DUSP16: variants seen among roughly 807,000 people sequenced by gnomAD.
DUSP16 encodes dual specificity protein phosphatase 16.
A neutral mutation model predicts 58.3 loss-of-function variants in DUSP16; 21 were observed. That is an observed-to-expected ratio of 0.36 (90% CI 0.26 to 0.52). DUSP16 has a LOEUF of 0.52. DUSP16 is among the 20% of genes least tolerant of loss of function. The pLI is 0.94. For missense variants in DUSP16, 726 were observed against 819.0 expected (o/e 0.89, Z 1.39); for synonymous variants, 320 against 323.8 (o/e 0.99, Z 0.12).
rs1943629232 is a variant in DUSP16, at chr12:12,484,014, ATT to A, written c.691+3012_691+3013del. On this transcript the variant is annotated intron_variant, in intron 5 of 6. Transcript: ENST00000298573. Reference sequence around the variant, plus strand: ...TTTAAAAATTAAAAAAAAATTTTACATTTATCTTTAAGAATTTGTGTTTGAGA... The same window carrying A: ...TTTAAAAATTAAAAAAAAATTTTACATATCTTTAAGAATTTGTGTTTGAGA... Among the ~76,000 whole-genome samples, 2 of 152,008 alleles carry A rather than the reference ATT, an allele frequency of 1.3e-5. 1 individual carries two copies. Among genetic ancestry groups the A allele is most frequent in the South Asian group, 4.1e-4 (2 of 4,834 alleles).
At chr12:12,538,372 T>C (rs575395719) in intron 1 of DUSP16, among the ~76,000 whole-genome samples, 61 of 152,296 alleles carry the variant, frequency 4.0e-4, no homozygotes, top group Non-Finnish European at 7.5e-4. Context: ...TACTGAAATT[T>C]CATAGCCAAA....
chr12:12,496,496 G>T (rs757667043), intron 4 of DUSP16, among the ~76,000 whole-genome samples: 1 of 152,230 alleles, frequency 6.6e-6, no homozygotes, highest in Non-Finnish European at 1.5e-5. Context: ...GTTGACAGCA[G>T]ATTATTTAAA....
intron 4 of DUSP16, among the ~76,000 whole-genome samples, chr12:12,500,281 C>A (rs1001566730): frequency 2.6e-5 from 4 of 152,158 alleles, no homozygotes; most frequent in African/African-American, 9.7e-5. Flanking sequence ...TATTTCAGTT[C>A]TCTTGGACCT....
At chr12:12,555,331 T>G (rs1343080545) in intron 1 of DUSP16, among the ~76,000 whole-genome samples, 3 of 152,140 alleles carry the variant, frequency 2.0e-5, no homozygotes, top group African/African-American at 7.2e-5. Context: ...AAACTGCAAC[T>G]CAAAGCTCAA....
intron 1 of DUSP16, among the ~76,000 whole-genome samples, chr12:12,539,580 G>A (rs1010148494): frequency 2.6e-5 from 4 of 152,010 alleles, no homozygotes; most frequent in Admixed American, 6.6e-5. Flanking sequence ...CATTACTAAC[G>A]GCTAATCACC....
intron 3 of DUSP16, chr12:12,506,124 C>T (rs1592181344): frequency 6.6e-6 from 1 of 152,172 alleles, no homozygotes; most frequent in Non-Finnish European, 1.5e-5. Flanking sequence ...ACTCCAGTTT[C>T]GTTTCATTAA....
At chr12:12,501,411 C>G (rs1439094314) in intron 3 of DUSP16, among the ~76,000 whole-genome samples, 1 of 152,184 alleles carries the variant, frequency 6.6e-6, no homozygotes, top group Non-Finnish European at 1.5e-5. Context: ...TAGTCCTGTC[C>G]TTACAATGAT....
At chr12:12,549,637 C>T (rs369842076) in intron 1 of DUSP16, among the ~76,000 whole-genome samples, 8 of 152,138 alleles carry the variant, frequency 5.3e-5, no homozygotes, top group African/African-American at 9.6e-5. Context: ...AAGAGCAGTC[C>T]GTTCTCCTCT....
chr12:12,538,550 CT>C (rs1215320824), intron 1 of DUSP16, among the ~76,000 whole-genome samples: 1 of 152,194 alleles, frequency 6.6e-6, no homozygotes, highest in Admixed American at 6.5e-5. Flanking sequence ...ACCAAACATT[CT>C]GCAAATTTTA....
chr12:12,497,491 G>C (rs945803309), intron 4 of DUSP16, among the ~76,000 whole-genome samples: 1 of 152,122 alleles, frequency 6.6e-6, no homozygotes, highest in Non-Finnish European at 1.5e-5. Context: ...TAGCTCTGAA[G>C]TCCATGACAT....
chr12:12,557,088 T>TA (rs964952954), intron 1 of DUSP16, among the ~76,000 whole-genome samples: 10 of 151,980 alleles, frequency 6.6e-5, no homozygotes, highest in Admixed American at 1.3e-4. Context: ...AATCTCATTG[T>TA]AAAAAAACAT....
intron 5 of DUSP16, chr12:12,485,388 C>T (rs940682841): frequency 6.6e-6 from 1 of 152,038 alleles, no homozygotes; most frequent in African/African-American, 2.4e-5. Context: ...GAAGATGAAA[C>T]CCTCAGCAAC....
intron 4 of DUSP16, among the ~76,000 whole-genome samples, chr12:12,499,540 G>C (rs1222443455): frequency 6.6e-6 from 1 of 152,116 alleles, no homozygotes; most frequent in Non-Finnish European, 1.5e-5. Flanking sequence ...CGATGATCGG[G>C]TATTTTTCTT....
chr12:12,486,889 G>T, intron 5 of DUSP16, 139 bp downstream of exon 5: 1 of 953,454 alleles, frequency 1.0e-6, no homozygotes, highest in Non-Finnish European at 1.6e-6. Context: ...TGAGTAAGCT[G>T]CACCACGTGC....
chr12:12,488,540 G>A (rs777144997), intron 4 of DUSP16, among the ~76,000 whole-genome samples: 1 of 152,084 alleles, frequency 6.6e-6, no homozygotes. Flanking sequence ...ACACAAACCC[G>A]CTTCATTTAG....
At chr12:12,540,949 C>CTTTTTTTTTTTTTTTT (rs1191975095) in intron 1 of DUSP16, among the ~76,000 whole-genome samples, 13 of 43,812 alleles carry the variant, frequency 3.0e-4, no homozygotes, top group Non-Finnish European at 4.4e-4. Context: ...CTTTTCTTTT[C>CTTTTTTTTTTTTTTTT]TTTTTTTTTT....
intron 1 of DUSP16, among the ~76,000 whole-genome samples, chr12:12,536,909 C>T (rs984369820): frequency 6.6e-6 from 1 of 152,092 alleles, no homozygotes; most frequent in Non-Finnish European, 1.5e-5. Context: ...CATGGTGGCG[C>T]ATTCCTGTAA....
In DUSP16 at chr12:12,500,702, A is replaced by G; in HGVS notation, c.368-20T>C. 1 of 1,510,236 alleles carries G rather than the reference A, an allele frequency of 6.6e-7. No homozygotes were observed. The highest frequency in any genetic ancestry group is 1.3e-5 in the South Asian group (1 of 74,286). 93.6% of individuals were successfully genotyped at this position (1,510,236 alleles called of 1,614,324 possible). ...ACCCACCTAAGAATAAACATTATAAAATTATAAAAAATTATGCCACGCACA... is the reference window on the plus strand; with the variant it reads ...ACCCACCTAAGAATAAACATTATAAGATTATAAAAAATTATGCCACGCACA... On this transcript the variant is annotated intron_variant, in intron 3 of 6. Coordinates refer to ENST00000298573, the MANE Select transcript of DUSP16 (RefSeq NM_030640.3).
intron 3 of DUSP16, among the ~76,000 whole-genome samples, chr12:12,505,561 AC>A (rs1230299629): frequency 6.6e-6 from 1 of 152,154 alleles, no homozygotes; most frequent in African/African-American, 2.4e-5. Context: ...CTGTCAGGTC[AC>A]CCCCCACAGA....
Sources: allele counts gnomAD v4.1 joint callset (sites outside exome capture counted in the v4.1 genomes callset), GRCh38; gene constraint gnomAD v4.1.1; transcripts MANE v1.5; gene names NCBI Gene and HGNC (gene_info 2026-07-23, HGNC 2026-07-21).